CDH13: variants seen among roughly 807,000 people sequenced by gnomAD.
The protein encoded by CDH13 is cadherin 13.
CDH13 carries 24 observed loss-of-function variants against 63.8 expected under a neutral mutation model. The ratio of observed to expected loss-of-function variants is 0.38; its 90% CI spans 0.27 to 0.53. CDH13 has a LOEUF of 0.53. Ranked by LOEUF, CDH13 falls within the 20% of genes least tolerant of loss-of-function variation. The probability of loss-of-function intolerance (pLI) is 0.85; values close to 1 mark genes in which losing one functional copy is unlikely to be tolerated. For missense variants in CDH13, 1,049 were observed against 903.1 expected, an observed-to-expected ratio of 1.16 and a Z score of -2.07; for synonymous variants, 503 against 355.3, an observed-to-expected ratio of 1.42 and a Z score of -4.67.
chr16:83,717,585 G>A (rs1206114396), intron 10 of CDH13, among the ~76,000 whole-genome samples: 4 of 152,228 alleles, frequency 2.6e-5, no homozygotes, highest in African/African-American at 7.2e-5. Flanking sequence ...CTGACTCTTG[G>A]TGTCTATTTC....
At chr16:82,846,698 C>T (rs976594470) in intron 1 of CDH13, among the ~76,000 whole-genome samples, 6 of 152,124 alleles carry the variant, frequency 3.9e-5, no homozygotes, top group Non-Finnish European at 8.8e-5. Flanking sequence ...TCTGTCTTTC[C>T]TTCTAGATAA....
intron 4 of CDH13, among the ~76,000 whole-genome samples, chr16:83,210,869 G>A (rs1248667579): frequency 1.3e-5 from 2 of 151,712 alleles, no homozygotes; most frequent in Admixed American, 6.6e-5. Flanking sequence ...GTTACTAGAG[G>A]CCGGGCGTGG....
At chr16:83,096,662 G>A (rs1216109698) in intron 3 of CDH13, among the ~76,000 whole-genome samples, 4 of 152,248 alleles carry the variant, frequency 2.6e-5, no homozygotes, top group East Asian at 3.9e-4. Flanking sequence ...GAGCGGATTT[G>A]GGTTTAACTC....
chr16:83,171,599 G>T (rs763701996), intron 4 of CDH13: 1 of 1,509,018 alleles, frequency 6.6e-7, no homozygotes, highest in South Asian at 1.2e-5. Context: ...AAATATCTGT[G>T]TCTCTATCTT....
intron 1 of CDH13, among the ~76,000 whole-genome samples, chr16:82,857,059 A>G (rs1032786126): frequency 2.6e-5 from 4 of 152,194 alleles, no homozygotes; most frequent in Non-Finnish European, 4.4e-5. Context: ...ACAAAGAAGA[A>G]AAAATGCAAA....
intron 8 of CDH13, among the ~76,000 whole-genome samples, chr16:83,627,358 A>C (rs1023565179): frequency 6.6e-6 from 1 of 152,174 alleles, no homozygotes. Flanking sequence ...AGTGGGATAA[A>C]CTAGACAGAG....
intron 4 of CDH13, among the ~76,000 whole-genome samples, chr16:83,204,520 C>A (rs898720720): frequency 1.3e-5 from 2 of 152,148 alleles, no homozygotes; most frequent in South Asian, 2.1e-4. Context: ...TCACCATGAG[C>A]CTTTCCATTA....
chr16:83,197,348 G>A (rs775921015), intron 4 of CDH13, among the ~76,000 whole-genome samples: 66 of 151,928 alleles, frequency 4.3e-4, no homozygotes, highest in Non-Finnish European at 6.6e-4. Flanking sequence ...ATGGAAAGCC[G>A]GGTATCCATC....
At chr16:83,434,269 G>A (rs2072216361) in intron 6 of CDH13, among the ~76,000 whole-genome samples, 1 of 152,122 alleles carries the variant, frequency 6.6e-6, no homozygotes, top group Non-Finnish European at 1.5e-5. Flanking sequence ...AGAATCATAG[G>A]GCTTGGAATT....
intron 1 of CDH13, among the ~76,000 whole-genome samples, chr16:82,807,234 T>G (rs1423218472): frequency 6.6e-6 from 1 of 152,188 alleles, no homozygotes; most frequent in Non-Finnish European, 1.5e-5. Flanking sequence ...CGTGCTATAA[T>G]TGTTTTTATT....
At chr16:83,460,356 T>C (rs7194439) in intron 6 of CDH13, among the ~76,000 whole-genome samples, 69,504 of 152,142 alleles carry the variant, frequency 0.46, 16,183 homozygotes, top group Middle Eastern at 0.54. Flanking sequence ...AAGTGGAAGA[T>C]GTGTAACCTA....
At chr16:83,187,950 G>T (rs1048089341) in intron 4 of CDH13, among the ~76,000 whole-genome samples, 1 of 152,118 alleles carries the variant, frequency 6.6e-6, no homozygotes, top group Non-Finnish European at 1.5e-5. Flanking sequence ...GAGCATCCTC[G>T]ATAAAAGGAA....
chr16:83,451,019 A>T (rs1294168285), intron 6 of CDH13, among the ~76,000 whole-genome samples: 4 of 152,172 alleles, frequency 2.6e-5, no homozygotes, highest in Admixed American at 6.5e-5. Flanking sequence ...GTCTGGGTAG[A>T]GTCTGAGAAT....
At chr16:82,743,637 T>A (rs553942498) in intron 1 of CDH13, among the ~76,000 whole-genome samples, 1 of 152,294 alleles carries the variant, frequency 6.6e-6, no homozygotes, top group South Asian at 2.1e-4. Flanking sequence ...GTACACAATT[T>A]AAAATACAGA....
chr16:82,960,395 G>A (rs1906787619), intron 2 of CDH13, among the ~76,000 whole-genome samples: 1 of 152,144 alleles, frequency 6.6e-6, no homozygotes, highest in Non-Finnish European at 1.5e-5. Context: ...GAGCTGACAT[G>A]GGAAAGAGAT....
At chr16:82,635,585 A>G (rs1908556223) in intron 1 of CDH13, among the ~76,000 whole-genome samples, 1 of 152,234 alleles carries the variant, frequency 6.6e-6, no homozygotes, top group African/African-American at 2.4e-5. Flanking sequence ...TCAGATTTGC[A>G]TTCTGGCTAC....
chr16:83,459,704 A>G (rs2073126631), intron 6 of CDH13, among the ~76,000 whole-genome samples: 1 of 152,238 alleles, frequency 6.6e-6, no homozygotes, highest in African/African-American at 2.4e-5. Flanking sequence ...AACCTGTATT[A>G]AGAGTCACTT....
At chr16:83,304,011 G>A (rs1008414283) in intron 5 of CDH13, among the ~76,000 whole-genome samples, 2 of 152,170 alleles carry the variant, frequency 1.3e-5, no homozygotes, top group African/African-American at 4.8e-5. Flanking sequence ...GTTAGAGGTA[G>A]ACAGAGAAAC....
intron 10 of CDH13, among the ~76,000 whole-genome samples, chr16:83,703,540 C>G (rs1906560247): frequency 6.6e-6 from 1 of 152,144 alleles, no homozygotes; most frequent in Admixed American, 6.5e-5. Flanking sequence ...CGGTACGATT[C>G]CAATTATACA....
Sources: gnomAD v4.1 joint callset for allele counts (sites outside exome capture counted in the v4.1 genomes callset) on GRCh38, gnomAD v4.1.1 for gene constraint, MANE v1.5 for transcripts, NCBI Gene and HGNC (gene_info 2026-07-23, HGNC 2026-07-21) for gene names.